FLT3: variants seen among roughly 807,000 people sequenced by gnomAD.
FLT3 encodes fms related receptor tyrosine kinase 3, also known as receptor-type tyrosine-protein kinase FLT3.
In FLT3, 46 loss-of-function variants were observed where a neutral mutation model predicts 126.6. That is an observed-to-expected ratio of 0.36 (90% confidence interval 0.29 to 0.46). The LOEUF (loss-of-function observed/expected upper bound fraction) is 0.46. FLT3 is among the 20% of genes least tolerant of loss of function. The pLI is 1.00. For missense variants in FLT3, 1,069 were observed against 1,190.3 expected, an observed-to-expected ratio of 0.90 and a Z score of 1.50; for synonymous variants, 404 against 434.4, an observed-to-expected ratio of 0.93 and a Z score of 0.87.
At chr13:28,028,310 A>C in intron 15 of FLT3, 22 bp from the exon 16 acceptor site, 1 of 1,291,074 alleles carries the variant, frequency 7.7e-7, no homozygotes, top group South Asian at 1.2e-5. Flanking sequence ...AGGAGCATTA[A>C]AAATGTAAAA....
At position 28,038,752 on chromosome 13, in the gene FLT3, C is replaced by G. The variant is rs559570014; in HGVS notation, c.1206-1464G>C. ...ACATGCATGAGCCACTGCGCCCAGC[C>G]TAGCCTACTTAAAGTTTAAAAAACA... On this transcript the variant is annotated intron_variant, in intron 9 of 23. Coordinates refer to ENST00000241453, the MANE Select transcript of FLT3 (RefSeq NM_004119.3). 3.2e-4 allele frequency among the ~76,000 whole-genome samples: 48 copies of G among 152,230 alleles called. No homozygotes were observed. In the South Asian group the frequency reaches 9.8e-3, roughly 31 times the overall value.
chr13:28,048,270 C>A lies in FLT3; in HGVS notation c.1205+5G>T. ...ATGGTATCTTAGAGTCCTTTGTGGTCTCACCTGTATCCGTTATCAAGACCC... is the reference window on the plus strand; with the variant it reads ...ATGGTATCTTAGAGTCCTTTGTGGTATCACCTGTATCCGTTATCAAGACCC... On this transcript the variant is annotated splice_donor_5th_base_variant and intron_variant, in intron 9 of 23. Transcript: ENST00000241453. 1.2e-6 allele frequency: 2 copies of A among 1,609,128 alleles called. No individual in the cohort carries two copies. The highest frequency in any genetic ancestry group is 1.7e-6 in the Non-Finnish European group (2 of 1,177,802).
At chr13:28,094,616 C>T (rs1404320445) in intron 1 of FLT3, among the ~76,000 whole-genome samples, 1 of 152,154 alleles carries the variant, frequency 6.6e-6, no homozygotes, top group East Asian at 1.9e-4. Context: ...CCTCTTATCT[C>T]AGCCTCCTGA....
At position 28,024,868 on chromosome 13, in the gene FLT3, G is replaced by A. The variant is rs1361285869; in HGVS notation, c.2283C>T (p.His761=). 2 of 1,598,244 alleles carry A rather than the reference G, an allele frequency of 1.3e-6. No homozygotes were observed. The highest frequency in any genetic ancestry group is 1.3e-5 in the African/African-American group (1 of 74,582). ...QISGLHGNSF[H]SEDEIEYENQ... is the part of the protein sequence containing the mutation. ...CTTAGAATAAAATATTACCTTCAGA[G>A]TGAAATGAATTCCCATGAAGCCCTG... Residue 761 remains histidine (H), a synonymous_variant, in exon 18 of 24, where the codon CAC becomes CAT. Coordinates refer to ENST00000241453, the MANE Select transcript of FLT3 (RefSeq NM_004119.3).
intron 20 of FLT3, among the ~76,000 whole-genome samples, chr13:28,016,970 T>G (rs1376456485): frequency 6.6e-6 from 1 of 152,172 alleles, no homozygotes; most frequent in African/African-American, 2.4e-5. Context: ...ATCAACGCTA[T>G]GAGGTAAGTG....
rs976281586 is a variant in FLT3 at position 28,094,413 on chromosome 13, TA to T, written c.43+6054del. On this transcript the variant is annotated intron_variant, in intron 1 of 23. Transcript: ENST00000241453. ...ATGTATATTTTTTTACTGTTTAACC[TA>T]AAAAAAAATGGTTCCTCTTTTAGGA... 4.0e-5 allele frequency among the ~76,000 whole-genome samples: 6 copies of T among 151,164 alleles called. No individual in the cohort carries two copies. The East Asian group carries it at 5.8e-4, about 15-fold the overall frequency.
rs150024581 is a variant in FLT3 at position 28,029,307 on chromosome 13, C to T, written c.1943-1019G>A. Among the ~76,000 whole-genome samples, 367 of 150,602 alleles carry T rather than the reference C, an allele frequency of 2.4e-3. 1 individual carries two copies. Among genetic ancestry groups the T allele is most frequent in the African/African-American group, 8.3e-3 (344 of 41,342 alleles). ...CTCAGGAGGATGAGGCAAAAGAATCCCTTGAACTGGGGAGGCAGAGGTTGC... is the reference window on the plus strand; with the variant it reads ...CTCAGGAGGATGAGGCAAAAGAATCTCTTGAACTGGGGAGGCAGAGGTTGC... On this transcript the variant is annotated intron_variant, in intron 15 of 23. Transcript: ENST00000241453.
chr13:28,011,130 T>C (rs111658373), intron 23 of FLT3, among the ~76,000 whole-genome samples: 39,949 of 150,558 alleles, frequency 0.27, 5,316 homozygotes, highest in Non-Finnish European at 0.28. Flanking sequence ...GACAATATGG[T>C]GAAACTCCGT....
chr13:28,100,453 C>A lies in FLT3; in HGVS notation c.43+15G>T, dbSNP rs567870370. 160 of 1,216,384 alleles carry A rather than the reference C, an allele frequency of 1.3e-4. No homozygotes were observed. The African/African-American group carries it at 2.1e-3, about 16-fold the overall frequency. The allele number at this position is 1,216,384 out of a possible 1,614,324, so 75.3% of individuals were successfully genotyped here. A position where few individuals can be genotyped will look rare whatever the true frequency, so the allele number is the denominator to read the frequency against. Reference sequence around the variant, plus strand: ...GGGACCGCGAGGGGCTGCGAGCGAGCGAGCGGGGCCTTACCGAGCAGCGGC... The same window carrying A: ...GGGACCGCGAGGGGCTGCGAGCGAGAGAGCGGGGCCTTACCGAGCAGCGGC... On this transcript the variant is annotated intron_variant, in intron 1 of 23. Coordinates refer to ENST00000241453, the MANE Select transcript of FLT3 (RefSeq NM_004119.3). This position sits in a 1 kb window ranked among gnomAD's most constrained non-coding sequence, Gnocchi z 4.8.
intron 1 of FLT3, among the ~76,000 whole-genome samples, chr13:28,088,128 C>CT (rs989049409): frequency 1.3e-5 from 2 of 152,106 alleles, no homozygotes; most frequent in Admixed American, 6.6e-5. Context: ...TATTCTTGAA[C>CT]TTTTTTCTGG....
At chr13:28,025,102 A>C (rs999298994) in intron 17 of FLT3, among the ~76,000 whole-genome samples, 159 bp from the exon 18 acceptor site, 6 of 152,244 alleles carry the variant, frequency 3.9e-5, no homozygotes, top group Non-Finnish European at 8.8e-5. Flanking sequence ...TACATTAAAA[A>C]CATCTGTGTA....
At chr13:28,032,639 G>A (rs971627072) in intron 15 of FLT3, among the ~76,000 whole-genome samples, 1 of 152,046 alleles carries the variant, frequency 6.6e-6, no homozygotes, top group African/African-American at 2.4e-5. Flanking sequence ...AAAGCTGGAT[G>A]GAAGAAGATG....
intron 5 of FLT3, 76 bp from the exon 6 acceptor site, chr13:28,050,298 G>A (rs557343512): frequency 7.0e-7 from 1 of 1,437,050 alleles, no homozygotes. Context: ...GGAGAACAAA[G>A]TTCTAGAGCC....
At chr13:28,061,320 C>A (rs1023410504) in intron 3 of FLT3, among the ~76,000 whole-genome samples, 4 of 150,576 alleles carry the variant, frequency 2.7e-5, no homozygotes, top group Admixed American at 1.3e-4. Flanking sequence ...CAGGCCACTG[C>A]ACTCCAGCCT....
intron 2 of FLT3, among the ~76,000 whole-genome samples, chr13:28,065,063 A>G (rs946070248): frequency 6.6e-6 from 1 of 152,236 alleles, no homozygotes; most frequent in African/African-American, 2.4e-5. Flanking sequence ...CTGTTAAGTG[A>G]AGAAAGCTAG....
intron 15 of FLT3, among the ~76,000 whole-genome samples, chr13:28,032,184 A>G (rs1593238023): frequency 6.6e-6 from 1 of 152,302 alleles, no homozygotes; most frequent in South Asian, 2.1e-4. Flanking sequence ...GTGCAGGGCC[A>G]GGGTTAGGGG....
chr13:28,033,498 T>C (rs1387891691), intron 15 of FLT3, among the ~76,000 whole-genome samples: 1 of 151,954 alleles, frequency 6.6e-6, no homozygotes, highest in Non-Finnish European at 1.5e-5. Context: ...ACCCCGTCTC[T>C]ACCAAAAATA....
intron 23 of FLT3, among the ~76,000 whole-genome samples, chr13:28,005,293 C>T (rs1870781690): frequency 6.6e-6 from 1 of 151,904 alleles, no homozygotes; most frequent in South Asian, 2.1e-4. Context: ...TGTGCCACTG[C>T]ACTCCAGCCT....
intron 21 of FLT3, 75 bp downstream of exon 21, chr13:28,015,515 A>AGG (rs1871767264): frequency 4.1e-6 from 2 of 487,274 alleles, no homozygotes; most frequent in African/African-American, 2.6e-5. Flanking sequence ...TGTTGGGGGG[A>AGG]GGGGTGGGGC....
Sources: gnomAD v4.1 joint callset for allele counts (sites outside exome capture counted in the v4.1 genomes callset) on GRCh38, gnomAD v4.1.1 for gene constraint, Gnocchi (gnomAD v3.1) non-coding constraint, MANE v1.5 for transcripts, NCBI Gene and HGNC (gene_info 2026-07-23, HGNC 2026-07-21) for gene names.